The following LAMA2 variants were observed in gnomAD, a reference collection of about 807,000 sequenced individuals.
The protein encoded by LAMA2 is laminin subunit alpha 2, also known as laminin subunit alpha-2.
Under a neutral mutation model 364.8 loss-of-function variants are expected in LAMA2, and 269 were observed. The ratio of observed to expected loss-of-function variants is 0.74; its 90% CI spans 0.67 to 0.82. The LOEUF (loss-of-function observed/expected upper bound fraction) is 0.82. LAMA2 is among the 40% of genes least tolerant of loss of function. LAMA2 has a pLI of 0.00. For synonymous variants in LAMA2, 1,379 were observed against 1,370.6 expected (o/e 1.01, Z -0.14); for missense variants, 3,807 against 3,873.2 (o/e 0.98, Z 0.45).
At chr6:128,960,465 C>CA (rs1781413087) in intron 1 of LAMA2, among the ~76,000 whole-genome samples, 1 of 148,162 alleles carries the variant, frequency 6.7e-6, no homozygotes, top group African/African-American at 2.6e-5. Context: ...TGGCCCCACC[C>CA]CGCCCCCGCC....
At chr6:129,412,325 G>A (rs1405483421) in intron 40 of LAMA2, among the ~76,000 whole-genome samples, 2 of 151,982 alleles carry the variant, frequency 1.3e-5, no homozygotes, top group Non-Finnish European at 2.9e-5. Flanking sequence ...CATCATGGAG[G>A]GTGACCTGCT....
chr6:129,276,645 G>A (rs531635744), intron 17 of LAMA2, among the ~76,000 whole-genome samples: 1 of 152,076 alleles, frequency 6.6e-6, no homozygotes, highest in South Asian at 2.1e-4. Flanking sequence ...TGGCTGCTCT[G>A]AATCATTTAC....
In LAMA2 at chr6:128,911,058, T is replaced by C. The variant is rs960496684; in HGVS notation, c.112+27701T>C. Reference sequence around the variant, plus strand: ...TCTTCAAAGCTGTCAGACAGGGACATTTAAGTCTGCAGAGGTTACTGCTGT... The same window carrying C: ...TCTTCAAAGCTGTCAGACAGGGACACTTAAGTCTGCAGAGGTTACTGCTGT... On this transcript the variant is annotated intron_variant, in intron 1 of 64. Coordinates refer to ENST00000421865, the MANE Select transcript of LAMA2 (RefSeq NM_000426.4). Among the ~76,000 whole-genome samples, 28 of 152,012 alleles carry C rather than the reference T, an allele frequency of 1.8e-4. No homozygotes were observed. In the South Asian group the frequency reaches 2.5e-3, roughly 14 times the overall value.
At chr6:129,391,761 C>T in intron 36 of LAMA2, 108 bp downstream of exon 36, 2 of 897,990 alleles carry the variant, frequency 2.2e-6, no homozygotes, top group Non-Finnish European at 1.8e-6. Flanking sequence ...CTTTGTTTTT[C>T]CAACCTGGAG....
intron 12 of LAMA2, among the ~76,000 whole-genome samples, chr6:129,227,306 C>T (rs536432786): frequency 1.4e-4 from 22 of 152,100 alleles, no homozygotes; most frequent in East Asian, 5.8e-4. Context: ...GAAGTTTGAT[C>T]GTCTGAAGCC....
intron 4 of LAMA2, among the ~76,000 whole-genome samples, chr6:129,136,291 C>T (rs567235314): frequency 2.3e-4 from 35 of 152,136 alleles, no homozygotes; most frequent in South Asian, 6.2e-4. Context: ...CAAAGCAGGA[C>T]GACCACCAGA....
In LAMA2 at chr6:129,481,443, CCCTCACA is replaced by C. The variant is rs1254250909; in HGVS notation, c.7749+8_7749+14del. The stretch of plus-strand genomic sequence containing the variant: ...AAAACGAAGGCAGACTGGACAGGTA[CCCTCACA>C]CCTAGCTGATAATGCATTTTCCCTA... On this transcript the variant is annotated splice_donor_5th_base_variant and intron_variant, in intron 55 of 64. Transcript: ENST00000421865. 1 of 1,609,580 alleles carries C rather than the reference CCCTCACA, an allele frequency of 6.2e-7. No individual in the cohort carries two copies. The highest frequency in any genetic ancestry group is 8.5e-7 in the Non-Finnish European group (1 of 1,176,064).
intron 43 of LAMA2, chr6:129,442,751 T>A (rs1243437739): frequency 5.0e-6 from 2 of 396,574 alleles, no homozygotes; most frequent in African/African-American, 4.3e-5. Context: ...TTTTGTCATA[T>A]CTCTGTTTTA....
intron 7 of LAMA2, among the ~76,000 whole-genome samples, chr6:129,149,897 G>T (rs1240990004): frequency 2.6e-5 from 4 of 152,136 alleles, no homozygotes; most frequent in Non-Finnish European, 1.5e-5. Flanking sequence ...AGGAGGATGT[G>T]CATAGGCTGT....
At chr6:129,401,088 T>C (rs1779941587) in intron 37 of LAMA2, 136 bp from the exon 38 acceptor site, 2 of 746,118 alleles carry the variant, frequency 2.7e-6, no homozygotes, top group African/African-American at 1.7e-5. Flanking sequence ...TTTATATTTT[T>C]CTCATCTAGC....
At chr6:128,930,773 C>G (rs1185160594) in intron 1 of LAMA2, among the ~76,000 whole-genome samples, 1 of 152,212 alleles carries the variant, frequency 6.6e-6, no homozygotes, top group Non-Finnish European at 1.5e-5. Flanking sequence ...AAATAGAACT[C>G]TAATTATATA....
intron 14 of LAMA2, among the ~76,000 whole-genome samples, chr6:129,259,710 A>G (rs1786987705): frequency 6.6e-6 from 1 of 152,072 alleles, no homozygotes; most frequent in Non-Finnish European, 1.5e-5. Flanking sequence ...CAAGAAGTTT[A>G]TATTCATTTC....
chr6:129,388,336 T>C (rs936745371), intron 35 of LAMA2, among the ~76,000 whole-genome samples: 2 of 152,066 alleles, frequency 1.3e-5, no homozygotes, highest in African/African-American at 4.8e-5. Flanking sequence ...GGCATATGTA[T>C]TCCTATGTAA....
chr6:128,909,915 T>C (rs1326838265), intron 1 of LAMA2, among the ~76,000 whole-genome samples: 2 of 151,708 alleles, frequency 1.3e-5, no homozygotes, highest in Admixed American at 6.6e-5. Context: ...TGGCTGGATA[T>C]GAAATTCTGG....
intron 34 of LAMA2, among the ~76,000 whole-genome samples, chr6:129,380,742 C>T (rs2114649175): frequency 6.6e-6 from 1 of 152,188 alleles, no homozygotes; most frequent in East Asian, 1.9e-4. Context: ...AAAACTATGC[C>T]AGGGAGGTTG....
At chr6:129,490,974 T>C (rs1784830977) in intron 56 of LAMA2, 1 of 152,194 alleles carries the variant, frequency 6.6e-6, no homozygotes, top group Non-Finnish European at 1.5e-5. Context: ...GCTTATTGTT[T>C]TTTCCAGTTC....
chr6:129,093,886 G>T (rs1044009586), intron 3 of LAMA2, among the ~76,000 whole-genome samples: 2 of 152,150 alleles, frequency 1.3e-5, no homozygotes, highest in Non-Finnish European at 2.9e-5. Context: ...GTTCTCTTAG[G>T]TTCCTCAAAG....
chr6:129,348,848 T>C (rs1776703989), intron 30 of LAMA2, among the ~76,000 whole-genome samples: 1 of 152,140 alleles, frequency 6.6e-6, no homozygotes, highest in Non-Finnish European at 1.5e-5. Flanking sequence ...CAGTGGCCAT[T>C]TGGGCTGAGT....
At chr6:129,111,404 A>C (rs1396374916) in intron 4 of LAMA2, among the ~76,000 whole-genome samples, 1 of 151,972 alleles carries the variant, frequency 6.6e-6, no homozygotes, top group African/African-American at 2.4e-5. Context: ...TAAGTTAGAA[A>C]ATTATATTTT....
Sources: gnomAD v4.1 joint callset for allele counts (sites outside exome capture counted in the v4.1 genomes callset) on GRCh38, gnomAD v4.1.1 for gene constraint, MANE v1.5 for transcripts, NCBI Gene and HGNC (gene_info 2026-07-23, HGNC 2026-07-21) for gene names.